DACH2: variants seen among roughly 807,000 people sequenced by gnomAD.
DACH2 encodes the protein dachshund homolog 2.
A neutral mutation model predicts 35.8 loss-of-function variants in DACH2; 17 were observed. The ratio of observed to expected loss-of-function variants is 0.48; its 90% CI spans 0.33 to 0.71. DACH2 has a LOEUF of 0.71. Ranked by LOEUF, DACH2 falls within the 30% of genes least tolerant of loss-of-function variation. The pLI is 0.02. For missense variants in DACH2, 469 were observed against 472.7 expected, an observed-to-expected ratio of 0.99 and a Z score of 0.07; for synonymous variants, 195 against 177.3, an observed-to-expected ratio of 1.10 and a Z score of -0.79.
intron 3 of DACH2, among the ~76,000 whole-genome samples, chrX:86,634,904 CAA>C (rs2040243639): frequency 1.8e-5 from 2 of 111,197 alleles, no homozygotes; most frequent in South Asian, 7.5e-4. Context: ...ATCAAAATAT[CAA>C]AGTCTCATAG....
chrX:86,819,939 G>A (rs2147359893), intron 11 of DACH2, among the ~76,000 whole-genome samples: 1 of 111,459 alleles, frequency 9.0e-6, no homozygotes, highest in South Asian at 3.7e-4. Context: ...CATTGTTAGT[G>A]GCTAGTGGTA....
At chrX:86,610,369 C>G (rs187093430) in intron 3 of DACH2, among the ~76,000 whole-genome samples, 81 of 51,523 alleles carry the variant, frequency 1.6e-3, no homozygotes, top group Non-Finnish European at 2.1e-3. Flanking sequence ...CTTCCTCTTT[C>G]TTTCTTTCTT....
At chrX:86,471,606 G>A (rs1444652826) in intron 2 of DACH2, among the ~76,000 whole-genome samples, 2 of 111,203 alleles carry the variant, frequency 1.8e-5, no homozygotes, top group African/African-American at 6.5e-5. Context: ...AAAGATATGG[G>A]GGTGCAGTGT....
chrX:86,158,090 A>G (rs1422649931), intron 1 of DACH2, among the ~76,000 whole-genome samples: 1 of 111,408 alleles, frequency 9.0e-6, no homozygotes, highest in Non-Finnish European at 1.9e-5. Flanking sequence ...AAAATATTAT[A>G]TATGTAGTCA....
chrX:86,771,923 G>A (rs2041991177), intron 7 of DACH2, among the ~76,000 whole-genome samples: 1 of 111,573 alleles, frequency 9.0e-6, no homozygotes, highest in Admixed American at 9.6e-5. Context: ...TTTTTCAGAA[G>A]ATAACTCTGT....
At chrX:86,613,392 C>T (rs1255411087) in intron 3 of DACH2, among the ~76,000 whole-genome samples, 1 of 110,977 alleles carries the variant, frequency 9.0e-6, no homozygotes, top group Non-Finnish European at 1.9e-5. Flanking sequence ...CTGACTAGTG[C>T]TCCTGGCACC....
chrX:86,213,903 T>C (rs1277500439), intron 1 of DACH2, among the ~76,000 whole-genome samples: 2 of 111,196 alleles, frequency 1.8e-5, no homozygotes, highest in Non-Finnish European at 3.8e-5. Flanking sequence ...TAACTGCTTA[T>C]ATAATAAGTA....
At chrX:86,334,929 T>G (rs1452423100) in intron 1 of DACH2, among the ~76,000 whole-genome samples, 1 of 112,176 alleles carries the variant, frequency 8.9e-6, no homozygotes, top group Non-Finnish European at 1.9e-5. Flanking sequence ...TTGATTTAAT[T>G]TATGTATAAG....
chrX:86,179,642 A>G (rs1207218654), intron 1 of DACH2, among the ~76,000 whole-genome samples: 1 of 111,858 alleles, frequency 8.9e-6, no homozygotes, highest in Non-Finnish European at 1.9e-5. Context: ...TTAACTTCAC[A>G]TTTTTAGTAA....
At chrX:86,788,053 G>T (rs1225859211) in intron 7 of DACH2, among the ~76,000 whole-genome samples, 1 of 111,052 alleles carries the variant, frequency 9.0e-6, no homozygotes. Context: ...GTTCCCTTGC[G>T]GTGGGCTGTC....
intron 4 of DACH2, among the ~76,000 whole-genome samples, chrX:86,685,311 C>T (rs2040929533): frequency 8.9e-6 from 1 of 111,823 alleles, no homozygotes; most frequent in South Asian, 3.7e-4. Flanking sequence ...CTCTTTTTTT[C>T]CTCTGGATTC....
chrX:86,341,771 C>T (rs1488514587), intron 1 of DACH2, among the ~76,000 whole-genome samples: 1 of 111,959 alleles, frequency 8.9e-6, no homozygotes, highest in African/African-American at 3.3e-5. Flanking sequence ...GTTTGGAAAA[C>T]GTTGATTCCA....
chrX:86,730,997 G>T (rs900985155), intron 6 of DACH2, among the ~76,000 whole-genome samples: 1 of 111,446 alleles, frequency 9.0e-6, no homozygotes, highest in African/African-American at 3.3e-5. Flanking sequence ...GTCTAGTTTT[G>T]GTTGTTTGAG....
At chrX:86,543,140 A>C (rs965215898) in intron 3 of DACH2, among the ~76,000 whole-genome samples, 4 of 111,452 alleles carry the variant, frequency 3.6e-5, no homozygotes, top group African/African-American at 1.3e-4. Context: ...GAGAGTGGAA[A>C]GAATGAGGAC....
chrX:86,763,477 G>A (rs2041903044), intron 7 of DACH2, among the ~76,000 whole-genome samples: 2 of 111,827 alleles, frequency 1.8e-5, no homozygotes, highest in Non-Finnish European at 3.8e-5. Context: ...GTTTTGAGAC[G>A]GAGTCTCGCT....
intron 3 of DACH2, among the ~76,000 whole-genome samples, chrX:86,602,197 T>A (rs1007374337): frequency 3.6e-5 from 4 of 111,950 alleles, no homozygotes; most frequent in Admixed American, 9.5e-5. Flanking sequence ...GGTTTCTTTT[T>A]ATTTCTGTGT....
intron 2 of DACH2, among the ~76,000 whole-genome samples, chrX:86,439,735 C>T (rs986977151): frequency 2.7e-5 from 3 of 110,467 alleles, no homozygotes; most frequent in African/African-American, 9.8e-5. Flanking sequence ...TTATATTTTT[C>T]TTCATTTCTA....
Position 86,514,291 on chromosome X carries a change from C to A in DACH2, c.540C>A (p.Gly180=). The part of the protein sequence containing the change: ...RKQAVNSSRP[G]RPPKRSLGVL... ...TGTTTTTCAACAGTTCAAGACCCGG[C>A]AGGCCCCCTAAGCGTTCTTTGGGAG... is the stretch of plus-strand genomic sequence containing the variant. The change falls in exon 3 of 12, where the codon GGC becomes GGA. Residue 180 remains glycine (G), a synonymous_variant. Coordinates refer to ENST00000373125, the MANE Select transcript of DACH2 (RefSeq NM_053281.3). 1.7e-6 allele frequency: 2 copies of A among 1,210,427 alleles called. No individual in the cohort carries two copies. Among genetic ancestry groups the A allele is most frequent in the Non-Finnish European group, 2.2e-6 (2 of 894,666 alleles).
At chrX:86,358,282 C>G (rs1312805981) in intron 1 of DACH2, among the ~76,000 whole-genome samples, 3 of 111,766 alleles carry the variant, frequency 2.7e-5, no homozygotes, top group Non-Finnish European at 3.8e-5. Flanking sequence ...TGTATTCTAG[C>G]TAGAGTTCTC....
Sources: gnomAD v4.1 joint callset for allele counts (sites outside exome capture counted in the v4.1 genomes callset) on GRCh38, gnomAD v4.1.1 for gene constraint, MANE v1.5 for transcripts, NCBI Gene and HGNC (gene_info 2026-07-23, HGNC 2026-07-21) for gene names.